The following ASZ1 variants were observed in gnomAD, a reference collection of about 807,000 sequenced individuals.
ASZ1 encodes the protein ankyrin repeat, SAM and basic leucine zipper domain containing 1.
Under a neutral mutation model 61.8 loss-of-function variants are expected in ASZ1, and 67 were observed. The observed-to-expected ratio is 1.08, with a 90% CI of 0.89 to 1.33. The LOEUF is 1.33. ASZ1 is among the 40% of genes most tolerant of loss of function. The pLI is 0.00. For missense variants in ASZ1, 577 were observed against 554.5 expected (o/e 1.04, Z -0.41); for synonymous variants, 193 against 192.7 (o/e 1.00, Z -0.01).
chr7:117,384,640 T>C lies in ASZ1; in HGVS notation c.687+86A>G, dbSNP rs1016410592. 4.2e-6 allele frequency: 6 copies of C among 1,427,516 alleles called. No individual in the cohort carries two copies. In the African/African-American group the frequency reaches 7.4e-5, roughly 18 times the overall value. The allele number at this position is 1,427,516 out of a possible 1,614,324, so 88.4% of individuals were successfully genotyped here. On this transcript the variant is annotated intron_variant, in intron 6 of 12. Transcript: ENST00000284629. ...TGCCAGATACACTATAATTACACTT[T>C]TAATTCTAACAGAATAATACAAAAG... is the stretch of plus-strand genomic sequence containing the variant.
chr7:117,384,579 G>T, intron 6 of ASZ1, 147 bp downstream of exon 6: 2 of 933,008 alleles, frequency 2.1e-6, no homozygotes, highest in Non-Finnish European at 3.0e-6. Flanking sequence ...TCATTACCTG[G>T]CTGGAGGAAA....
chr7:117,368,734 A>G lies in ASZ1; in HGVS notation c.1056-17T>C, dbSNP rs1345873580. The G allele has an allele frequency of 6.2e-7, 1 of 1,608,798 alleles. No individual in the cohort carries two copies. Among genetic ancestry groups the G allele is most frequent in the Non-Finnish European group, 8.5e-7 (1 of 1,178,574 alleles). On this transcript the variant is annotated splice_polypyrimidine_tract_variant and intron_variant, in intron 10 of 12. Coordinates refer to ENST00000284629, the MANE Select transcript of ASZ1 (RefSeq NM_130768.3). The stretch of plus-strand genomic sequence containing the variant: ...TCATCACCACTAAAGAAAGGAAACA[A>G]ACAAACAAGCAGGAATTACTAATAA...
At chr7:117,386,046 T>G (rs1380169445) in intron 4 of ASZ1, among the ~76,000 whole-genome samples, 5 of 152,138 alleles carry the variant, frequency 3.3e-5, no homozygotes, top group Non-Finnish European at 5.9e-5. Context: ...ATAAATGTAT[T>G]AAAAATACAT....
intron 4 of ASZ1, among the ~76,000 whole-genome samples, chr7:117,413,066 C>G (rs1420635830): frequency 6.6e-6 from 1 of 151,382 alleles, no homozygotes; most frequent in Non-Finnish European, 1.5e-5. Flanking sequence ...TGAAAATATT[C>G]AACTATAATT....
chr7:117,380,616 A>T (rs1167011304), intron 9 of ASZ1, among the ~76,000 whole-genome samples: 1 of 151,794 alleles, frequency 6.6e-6, no homozygotes, highest in South Asian at 2.1e-4. Context: ...ATAATACTAG[A>T]TGGCAAAATA....
intron 10 of ASZ1, among the ~76,000 whole-genome samples, chr7:117,379,597 G>A (rs1247197974): frequency 6.6e-6 from 1 of 151,508 alleles, no homozygotes; most frequent in Non-Finnish European, 1.5e-5. Context: ...TTACTACTTT[G>A]AATTTTCAAT....
intron 12 of ASZ1, among the ~76,000 whole-genome samples, chr7:117,366,174 G>A (rs1795932744): frequency 6.6e-6 from 1 of 151,872 alleles, no homozygotes; most frequent in African/African-American, 2.4e-5. Flanking sequence ...TGAGGCAGGA[G>A]AATTGCTTGA....
chr7:117,367,824 A>C, intron 11 of ASZ1: 1 of 989,510 alleles, frequency 1.0e-6, no homozygotes, highest in Non-Finnish European at 1.2e-6. Flanking sequence ...ATTTTCACTA[A>C]GACAAACAGC....
chr7:117,386,496 G>T (rs1796358576), intron 4 of ASZ1, among the ~76,000 whole-genome samples: 1 of 151,968 alleles, frequency 6.6e-6, no homozygotes, highest in African/African-American at 2.4e-5. Flanking sequence ...TCACCTTCTG[G>T]GCCTATTCCA....
At chr7:117,376,534 A>G (rs1213859254) in intron 10 of ASZ1, among the ~76,000 whole-genome samples, 2 of 145,434 alleles carry the variant, frequency 1.4e-5, no homozygotes, top group Non-Finnish European at 2.9e-5. Context: ...ACTTAGACAC[A>G]AAATTCTTAG....
At chr7:117,385,615 AATT>A in intron 5 of ASZ1, 80 bp downstream of exon 5, 1 of 1,136,816 alleles carries the variant, frequency 8.8e-7, no homozygotes, top group Admixed American at 2.3e-5. Flanking sequence ...GCCCTTTTGT[AATT>A]ATTACTTCTT....
chr7:117,416,539 ATACTC>A (rs1431694306), intron 4 of ASZ1, among the ~76,000 whole-genome samples: 1 of 152,242 alleles, frequency 6.6e-6, no homozygotes, highest in African/African-American at 2.4e-5. Context: ...AATCACAAAA[ATACTC>A]TATAATTCTA....
At chr7:117,367,661 C>A in intron 11 of ASZ1, 196 bp from the exon 12 acceptor site, 2 of 1,069,026 alleles carry the variant, frequency 1.9e-6, no homozygotes, top group Non-Finnish European at 2.3e-6. Context: ...AAATGCATTT[C>A]CTGAATATAT....
intron 4 of ASZ1, among the ~76,000 whole-genome samples, chr7:117,391,205 T>C (rs138361243): frequency 2.4e-4 from 36 of 152,254 alleles, no homozygotes; most frequent in African/African-American, 8.7e-4. Flanking sequence ...TTAAGTTCCT[T>C]ATAGAGCCTG....
chr7:117,401,799 A>G (rs1334288980), intron 4 of ASZ1, among the ~76,000 whole-genome samples: 1 of 152,108 alleles, frequency 6.6e-6, no homozygotes, highest in African/African-American at 2.4e-5. Flanking sequence ...CTTCATAGGT[A>G]AGGAGTGAAT....
chr7:117,367,205 A>T (rs1264974846), intron 12 of ASZ1, 147 bp downstream of exon 12: 1 of 527,650 alleles, frequency 1.9e-6, no homozygotes, highest in Non-Finnish European at 2.9e-6. Flanking sequence ...TTTCCTGTGT[A>T]TATTTCTTCC....
At chr7:117,368,012 G>T in intron 11 of ASZ1, 2 of 450,194 alleles carry the variant, frequency 4.4e-6, no homozygotes, top group Non-Finnish European at 5.9e-6. Flanking sequence ...CTCCTGAATA[G>T]CTAGGACCAC....
intron 8 of ASZ1, among the ~76,000 whole-genome samples, chr7:117,381,361 A>G (rs77394880): frequency 6.6e-5 from 10 of 152,278 alleles, no homozygotes; most frequent in African/African-American, 2.2e-4. Context: ...GGCAGAAATT[A>G]TGTTTTATGA....
chr7:117,420,066 T>A, intron 4 of ASZ1, 97 bp downstream of exon 4: 1 of 772,128 alleles, frequency 1.3e-6, no homozygotes, highest in African/African-American at 1.7e-5. Flanking sequence ...TCATCAACTA[T>A]TTGGCCAAGT....
Sources: allele counts gnomAD v4.1 joint callset (sites outside exome capture counted in the v4.1 genomes callset), GRCh38; gene constraint gnomAD v4.1.1; transcripts MANE v1.5; gene names NCBI Gene and HGNC (gene_info 2026-07-23, HGNC 2026-07-21).